ITCH: variants seen among roughly 807,000 people sequenced by gnomAD.
ITCH encodes itchy E3 ubiquitin protein ligase, also known as E3 ubiquitin-protein ligase Itchy homolog.
In ITCH, 28 loss-of-function variants were observed where a neutral mutation model predicts 126.8. The ratio of observed to expected loss-of-function variants is 0.22; its 90% CI spans 0.16 to 0.30. The LOEUF (loss-of-function observed/expected upper bound fraction) is 0.30. ITCH is among the 10% of genes least tolerant of loss of function. The pLI, the probability that ITCH is intolerant of heterozygous loss-of-function variation, is 1.00. For missense variants in ITCH, 631 were observed against 1,032.4 expected, an observed-to-expected ratio of 0.61 and a Z score of 5.33; for synonymous variants, 342 against 340.0, an observed-to-expected ratio of 1.01 and a Z score of -0.06.
chr20:34,440,325 C>T lies in ITCH; in HGVS notation c.850C>T (p.Gln284Ter). 1 of 1,613,972 alleles carries T rather than the reference C, an allele frequency of 6.2e-7. No individual in the cohort carries two copies. The highest frequency in any genetic ancestry group is 8.5e-7 in the Non-Finnish European group (1 of 1,179,798). ...CCCTAGGCCATTAAATCCTGTAACT[C>T]AAGCTCCCTTGCCACCTGGGTGAGT... ...SGPRPLNPVTQAPLPPGWEQR... is the reference protein window; with the variant it reads ...SGPRPLNPVT Residue 284 changes from glutamine (Q) to a stop codon, truncating the protein, a stop_gained, in exon 9 of 25, where the codon CAA becomes TAA. Transcript: ENST00000374864. LOFTEE classifies it high-confidence loss of function.
chr20:34,435,592 C>T (rs190538491), intron 7 of ITCH, among the ~76,000 whole-genome samples: 25 of 152,296 alleles, frequency 1.6e-4, no homozygotes, highest in African/African-American at 5.3e-4. Context: ...TGTAGAGCAG[C>T]CTGCCCTTTA....
At chr20:34,412,260 A>G (rs1601838096) in intron 4 of ITCH, among the ~76,000 whole-genome samples, 1 of 152,250 alleles carries the variant, frequency 6.6e-6, no homozygotes, top group Non-Finnish European at 1.5e-5. Flanking sequence ...CAGGATAAGC[A>G]GTTTTACTTT....
intron 1 of ITCH, among the ~76,000 whole-genome samples, chr20:34,365,213 A>C (rs2037375265): frequency 6.6e-6 from 1 of 152,090 alleles, no homozygotes; most frequent in Non-Finnish European, 1.5e-5. Context: ...AAAATAAAAA[A>C]AAAAATTTAG....
At chr20:34,400,649 T>TTTC (rs779506881) in intron 3 of ITCH, among the ~76,000 whole-genome samples, 61 of 148,226 alleles carry the variant, frequency 4.1e-4, no homozygotes, top group African/African-American at 7.4e-4. Context: ...AATTTTTCTT[T>TTTC]TTTTTTTTTT....
At chr20:34,492,724 G>A (rs572052719) in intron 23 of ITCH, 127 bp downstream of exon 23, 129 of 724,296 alleles carry the variant, frequency 1.8e-4, no homozygotes, top group Middle Eastern at 1.3e-3. Flanking sequence ...TTCCCAGTTA[G>A]CATGGATTTG....
chr20:34,366,056 C>A (rs569938513), intron 1 of ITCH, among the ~76,000 whole-genome samples: 5 of 152,092 alleles, frequency 3.3e-5, no homozygotes, highest in East Asian at 1.9e-4. Context: ...TTGGGTCTTA[C>A]ATGAAGAGTA....
chr20:34,474,783 G>A (rs142135518), intron 16 of ITCH, among the ~76,000 whole-genome samples: 3,009 of 114,404 alleles, frequency 0.026, 147 homozygotes, highest in Admixed American at 0.12. Context: ...GCGGCTGGCC[G>A]GGCGGGGGGG....
intron 12 of ITCH, among the ~76,000 whole-genome samples, chr20:34,456,301 T>C (rs1985994298): frequency 1.5e-5 from 2 of 129,496 alleles, no homozygotes. Context: ...CTCAGCTCAC[T>C]GCAGTCTTGA....
intron 2 of ITCH, chr20:34,384,356 A>C (rs1386777477): frequency 7.4e-6 from 1 of 135,864 alleles, no homozygotes; most frequent in Non-Finnish European, 1.5e-5. Flanking sequence ...ATCTTGTCTC[A>C]CTGCAACCTC....
chr20:34,475,659 G>C (rs1223390688), intron 16 of ITCH, among the ~76,000 whole-genome samples: 1 of 151,706 alleles, frequency 6.6e-6, no homozygotes, highest in Non-Finnish European at 1.5e-5. Context: ...GAGAGGGAGA[G>C]CGAGACCGTG....
In ITCH at chr20:34,489,299, TGAA is replaced by T. The variant is rs1444225255; in HGVS notation, c.2131_2133del (p.Glu711del). 2 of 1,613,582 alleles carry T rather than the reference TGAA, an allele frequency of 1.2e-6. No individual in the cohort carries two copies. ...CTGAGTGGAGGTTGTCTCGAGGTGT[TGAA>T]GAACAGACACAAGCTTTCTTTGAAG... On this transcript the variant is annotated inframe_deletion, in exon 21 of 25. Transcript: ENST00000374864.
chr20:34,416,722 C>G (rs1321442553), intron 6 of ITCH, among the ~76,000 whole-genome samples: 1 of 151,828 alleles, frequency 6.6e-6, no homozygotes, highest in East Asian at 1.9e-4. Flanking sequence ...TTTTCTTTTT[C>G]TTTAAGTTGT....
At chr20:34,456,182 GTGTATA>G (rs1176331602) in intron 12 of ITCH, among the ~76,000 whole-genome samples, 26 of 37,178 alleles carry the variant, frequency 7.0e-4, no homozygotes, top group African/African-American at 1.9e-3. Flanking sequence ...GTGTGTGTGT[GTGTATA>G]TATATATATA....
chr20:34,389,531 C>G (rs980282491), intron 2 of ITCH, among the ~76,000 whole-genome samples: 12 of 152,072 alleles, frequency 7.9e-5, no homozygotes, highest in Admixed American at 5.9e-4. Context: ...AAGAGAAACA[C>G]TTGAGGGTGA....
intron 7 of ITCH, among the ~76,000 whole-genome samples, chr20:34,426,387 T>A (rs1463830349): frequency 1.4e-4 from 22 of 152,122 alleles, no homozygotes; most frequent in Non-Finnish European, 8.8e-5. Context: ...GTTAGGTACA[T>A]GGGAGTTTAT....
chr20:34,444,228 C>A (rs546385282), intron 10 of ITCH, among the ~76,000 whole-genome samples: 1 of 152,240 alleles, frequency 6.6e-6, no homozygotes, highest in East Asian at 1.9e-4. Context: ...TCAATTCTTT[C>A]AAATGTTTTA....
chr20:34,368,521 T>C (rs1169124494), intron 1 of ITCH, among the ~76,000 whole-genome samples: 1 of 152,136 alleles, frequency 6.6e-6, no homozygotes, highest in African/African-American at 2.4e-5. Flanking sequence ...GATACTGGCT[T>C]TGAGTCAATA....
chr20:34,443,773 C>T (rs1568947103), intron 10 of ITCH, among the ~76,000 whole-genome samples: 1 of 151,958 alleles, frequency 6.6e-6, no homozygotes, highest in Non-Finnish European at 1.5e-5. Flanking sequence ...GCGCTTGAGG[C>T]CAGGAGTTTG....
At chr20:34,364,816 G>A (rs1466340219) in intron 1 of ITCH, among the ~76,000 whole-genome samples, 12 of 150,440 alleles carry the variant, frequency 8.0e-5, no homozygotes, top group East Asian at 1.9e-4. Context: ...GCTTGAACCC[G>A]GGAGGTGGAG....
Sources: gnomAD v4.1 joint callset for allele counts (sites outside exome capture counted in the v4.1 genomes callset) on GRCh38, gnomAD v4.1.1 for gene constraint, MANE v1.5 for transcripts, NCBI Gene and HGNC (gene_info 2026-07-23, HGNC 2026-07-21) for gene names.